KCNN2: variants seen among roughly 807,000 people sequenced by gnomAD.
The protein encoded by KCNN2 is small conductance calcium-activated potassium channel protein 2.
KCNN2 carries 24 observed loss-of-function variants against 55.5 expected under a neutral mutation model. The observed-to-expected ratio is 0.43, with a 90% CI of 0.31 to 0.61. The LOEUF is 0.61. Ranked by LOEUF, KCNN2 falls within the 20% of genes least tolerant of loss-of-function variation. The probability of loss-of-function intolerance (pLI) is 0.08; values close to 1 mark genes in which losing one functional copy is unlikely to be tolerated. For missense variants in KCNN2, 754 were observed against 853.6 expected (o/e 0.88, Z 1.45); for synonymous variants, 431 against 336.1 (o/e 1.28, Z -3.09).
At chr5:114,443,802 G>C (rs1760302719) in intron 3 of KCNN2, among the ~76,000 whole-genome samples, 1 of 152,182 alleles carries the variant, frequency 6.6e-6, no homozygotes, top group Non-Finnish European at 1.5e-5. Flanking sequence ...CTAAGAAGCA[G>C]CCTGAACGTG....
At chr5:114,493,203 T>A in intron 6 of KCNN2, 200 bp from the exon 7 acceptor site, 1 of 663,204 alleles carries the variant, frequency 1.5e-6, no homozygotes, top group Non-Finnish European at 2.8e-6. Context: ...TTGCTCTCAC[T>A]CTCTCCTTTC....
chr5:114,156,827 A>C (rs115766824), intron 1 of KCNN2, among the ~76,000 whole-genome samples: 2 of 152,080 alleles, frequency 1.3e-5, no homozygotes, highest in Admixed American at 1.3e-4. Context: ...CAAAGGAATT[A>C]TCAATGATGC....
intron 3 of KCNN2, among the ~76,000 whole-genome samples, chr5:114,432,054 G>A (rs1759811440): frequency 6.6e-6 from 1 of 152,206 alleles, no homozygotes; most frequent in Non-Finnish European, 1.5e-5. Context: ...CTGTTGTTGT[G>A]TAAAGTATTC....
chr5:114,147,464 G>T (rs564125479), intron 1 of KCNN2, among the ~76,000 whole-genome samples: 1 of 152,276 alleles, frequency 6.6e-6, no homozygotes, highest in South Asian at 2.1e-4. Context: ...AGTTTTAGAG[G>T]CTGAATTAGG....
At chr5:114,210,447 G>A (rs960002796) in intron 1 of KCNN2, among the ~76,000 whole-genome samples, 1 of 152,114 alleles carries the variant, frequency 6.6e-6, no homozygotes, top group Non-Finnish European at 1.5e-5. Flanking sequence ...TATTCATGGA[G>A]AGTTTATGAA....
At chr5:114,334,322 C>A (rs1756879451) in intron 2 of KCNN2, among the ~76,000 whole-genome samples, 1 of 148,590 alleles carries the variant, frequency 6.7e-6, no homozygotes, top group African/African-American at 2.5e-5. Context: ...AAGGCTCTGG[C>A]TGTTGCCAAC....
chr5:114,485,674 T>C (rs372082453), intron 5 of KCNN2, among the ~76,000 whole-genome samples: 3 of 152,142 alleles, frequency 2.0e-5, no homozygotes, highest in East Asian at 3.9e-4. Flanking sequence ...GGTTTGAGGA[T>C]TCTCTCCATG....
chr5:114,274,982 GCTC>G (rs1200234828), intron 2 of KCNN2, among the ~76,000 whole-genome samples: 1 of 152,064 alleles, frequency 6.6e-6, no homozygotes, highest in Non-Finnish European at 1.5e-5. Context: ...GTCATAAATA[GCTC>G]TTATTATTTT....
chr5:114,077,079 G>A (rs1382667671), intron 1 of KCNN2, among the ~76,000 whole-genome samples: 3 of 152,210 alleles, frequency 2.0e-5, no homozygotes, highest in Non-Finnish European at 4.4e-5. Context: ...TGGTAAAAAG[G>A]TGCCCATTTT....
intron 2 of KCNN2, among the ~76,000 whole-genome samples, chr5:114,329,836 A>G (rs193296742): frequency 1.3e-5 from 2 of 152,234 alleles, no homozygotes; most frequent in East Asian, 1.9e-4. Flanking sequence ...CTCAGCCCCT[A>G]CTTACTACTG....
chr5:114,457,110 TA>T (rs761960430), intron 3 of KCNN2, among the ~76,000 whole-genome samples: 1 of 152,314 alleles, frequency 6.6e-6, no homozygotes, highest in Non-Finnish European at 1.5e-5. Context: ...ATGCTATAGA[TA>T]AATCTTTCCT....
At chr5:114,359,375 T>A (rs1757361935), upstream of KCNN2, among the ~76,000 whole-genome samples, 4 of 152,184 alleles carry the variant, frequency 2.6e-5, no homozygotes, top group Admixed American at 6.5e-5. Flanking sequence ...ATTTCTGAGA[T>A]GATTATTTCT....
chr5:114,330,191 C>T (rs1166826694), intron 2 of KCNN2, among the ~76,000 whole-genome samples: 1 of 152,166 alleles, frequency 6.6e-6, no homozygotes, highest in African/African-American at 2.4e-5. Context: ...AATGCTGATG[C>T]TGTACTCAGA....
intron 1 of KCNN2, among the ~76,000 whole-genome samples, chr5:114,168,016 G>A (rs1486466130): frequency 2.6e-5 from 4 of 152,024 alleles, no homozygotes; most frequent in Non-Finnish European, 5.9e-5. Flanking sequence ...TTTATTGCGA[G>A]TAGCATGTGA....
At chr5:114,268,932 T>C (rs1215361951) in intron 2 of KCNN2, among the ~76,000 whole-genome samples, 2 of 151,884 alleles carry the variant, frequency 1.3e-5, no homozygotes, top group Non-Finnish European at 2.9e-5. Context: ...CCCAGCCATC[T>C]GTCTCGGGGG....
intron 5 of KCNN2, chr5:114,486,777 T>C: frequency 7.6e-7 from 1 of 1,322,472 alleles, no homozygotes; most frequent in Non-Finnish European, 9.9e-7. Context: ...AAAAAATAGT[T>C]GAATAAAAAA....
chr5:114,218,452 C>T (rs1754054744), intron 1 of KCNN2, among the ~76,000 whole-genome samples: 1 of 152,158 alleles, frequency 6.6e-6, no homozygotes, highest in Non-Finnish European at 1.5e-5. Flanking sequence ...GTGGAGAAAA[C>T]TTAAAATGCA....
intron 1 of KCNN2, among the ~76,000 whole-genome samples, chr5:114,185,420 C>A (rs915702156): frequency 6.6e-6 from 1 of 152,238 alleles, no homozygotes; most frequent in Middle Eastern, 3.2e-3. Flanking sequence ...CTCCAACCAG[C>A]CTGCCCACTG....
chr5:114,474,232 A>G (rs978492332), intron 5 of KCNN2, among the ~76,000 whole-genome samples: 1 of 152,182 alleles, frequency 6.6e-6, no homozygotes, highest in African/African-American at 2.4e-5. Context: ...AGTCATTTTA[A>G]TGCAAATATA....
Sources: allele counts gnomAD v4.1 joint callset (sites outside exome capture counted in the v4.1 genomes callset), GRCh38; gene constraint gnomAD v4.1.1; transcripts MANE v1.5; gene names NCBI Gene and HGNC (gene_info 2026-07-23, HGNC 2026-07-21).